The following CACNA1C variants were observed in gnomAD, a reference collection of about 807,000 sequenced individuals.
CACNA1C encodes the protein voltage-dependent L-type calcium channel subunit alpha-1C.
A neutral mutation model predicts 229.0 loss-of-function variants in CACNA1C; 30 were observed. The ratio of observed to expected loss-of-function variants is 0.13; its 90% CI spans 0.10 to 0.18. The LOEUF (loss-of-function observed/expected upper bound fraction) is 0.18. Ranked by LOEUF, CACNA1C falls within the 10% of genes least tolerant of loss-of-function variation. The probability of loss-of-function intolerance (pLI) is 1.00; values close to 1 mark genes in which losing one functional copy is unlikely to be tolerated. For synonymous variants in CACNA1C, 1,114 were observed against 1,132.5 expected, an observed-to-expected ratio of 0.98 and a Z score of 0.33; for missense variants, 1,658 against 2,845.0, an observed-to-expected ratio of 0.58 and a Z score of 9.49.
At chr12:2,464,029 G>A (rs550107869) in intron 5 of CACNA1C, among the ~76,000 whole-genome samples, 15 of 152,230 alleles carry the variant, frequency 9.9e-5, no homozygotes, top group East Asian at 1.9e-4. Flanking sequence ...GCAAGGGGTC[G>A]TTTCCTGCTT....
rs1568789814 is a variant in CACNA1C at position 2,611,898 on chromosome 12, T to C, written c.3718-5T>C. The C allele has an allele frequency of 6.3e-7, 1 of 1,588,038 alleles. No homozygotes were observed. On this transcript the variant is annotated splice_polypyrimidine_tract_variant and splice_region_variant and intron_variant, in intron 28 of 46. Transcript: ENST00000399655. The stretch of plus-strand genomic sequence containing the variant: ...GTTCACAGCTCCTCCCCTCTCCTGA[T>C]GCAGCACTACGGCCAGAGCTGCCTG...
At position 2,460,298 on chromosome 12, in the gene CACNA1C, G is replaced by A. The variant is rs571966511; in HGVS notation, c.757+2592G>A. ...TCCACTGGCCAAAGCGAGTCACATG[G>A]CCACCCTCAAAGATAATGGGGCCAA... On this transcript the variant is annotated intron_variant, in intron 5 of 46. Transcript: ENST00000399655. Among the ~76,000 whole-genome samples the A allele has an allele frequency of 1.9e-4, 29 of 152,346 alleles. No individual in the cohort carries two copies. In the Middle Eastern group the frequency reaches 0.014, roughly 71 times the overall value.
intron 1 of CACNA1C, among the ~76,000 whole-genome samples, chr12:1,983,871 G>A (rs960472407): frequency 6.6e-6 from 1 of 151,140 alleles, no homozygotes; most frequent in African/African-American, 2.4e-5. Flanking sequence ...TTCTCCTTTC[G>A]GTTCTATCAC....
chr12:2,595,931 C>T lies in CACNA1C; in HGVS notation c.2721C>T (p.Leu907=). ...VNDTIFTNLI[L]FFILLSSISL... ...ACACGATCTTCACCAACCTGATCCT[C>T]TTCTTCATTCTGCTCAGCAGCATTT... Residue 907 remains leucine (L), a synonymous_variant, in exon 20 of 47, where the codon CTC becomes CTT. Coordinates refer to ENST00000399655, the MANE Select transcript of CACNA1C (RefSeq NM_000719.7). This position sits in a 1 kb window ranked among gnomAD's most constrained non-coding sequence, Gnocchi z 4.1. The T allele has an allele frequency of 6.2e-7, 1 of 1,613,776 alleles. No homozygotes were observed. Among genetic ancestry groups the T allele is most frequent in the Non-Finnish European group, 8.5e-7 (1 of 1,179,832 alleles).
At chr12:2,437,848 G>GATGATGGTGGTAATGGTGGTGGTA (rs1567676874) in intron 3 of CACNA1C, among the ~76,000 whole-genome samples, 5 of 93,902 alleles carry the variant, frequency 5.3e-5, no homozygotes, top group Non-Finnish European at 1.4e-4. Flanking sequence ...TGATGGTGGT[G>GATGATGGTGGTAATGGTGGTGGTA]ATGATGGTGG....
At chr12:2,425,010 T>C (rs1240142420) in intron 3 of CACNA1C, among the ~76,000 whole-genome samples, 3 of 152,006 alleles carry the variant, frequency 2.0e-5, no homozygotes. Flanking sequence ...GGAAGGAGAG[T>C]CCAGAGGTCT....
rs758199539 is a variant in CACNA1C at position 2,691,185 on chromosome 12, G to A, written c.6403G>A (p.Val2135Ile). The A allele has an allele frequency of 4.5e-6, 7 of 1,572,658 alleles. No homozygotes were observed. The highest frequency in any genetic ancestry group is 6.0e-6 in the Non-Finnish European group (7 of 1,158,646). The change falls in exon 47 of 47, where the codon GTC (valine) becomes ATC (isoleucine). Residue 2135 changes from valine (V) to isoleucine (I), a missense_variant. Val to Ile is a conservative substitution (Grantham distance 29). Coordinates refer to ENST00000399655, the MANE Select transcript of CACNA1C (RefSeq NM_000719.7). ...EEELQDSRVY[V>I]SSL is the part of the protein sequence containing the mutation. Reference sequence around the variant, plus strand: ...GGAGCTCCAGGACAGCAGGGTCTACGTCAGCAGCCTGTAGTGGGCGCTGCC... The same window carrying A: ...GGAGCTCCAGGACAGCAGGGTCTACATCAGCAGCCTGTAGTGGGCGCTGCC...
chr12:2,352,515 C>T (rs1445491744), intron 3 of CACNA1C, among the ~76,000 whole-genome samples: 1 of 152,154 alleles, frequency 6.6e-6, no homozygotes, highest in Admixed American at 6.5e-5. Context: ...CCGCCTTTTC[C>T]AGTAATGGCC....
rs1415754827 is a variant in CACNA1C at position 2,575,742 on chromosome 12, A to G, written c.1896-5848A>G. ...GAATAGGGTGGAACATTTGCAGAGC[A>G]TCCGAAAGTGGTGGGTACTGTTATT... is the stretch of plus-strand genomic sequence containing the variant. On this transcript the variant is annotated intron_variant, in intron 13 of 46. Transcript: ENST00000399655. This position sits in a 1 kb window ranked among gnomAD's most constrained non-coding sequence, Gnocchi z 4.0. Among the ~76,000 whole-genome samples the G allele has an allele frequency of 6.6e-6, 1 of 152,220 alleles. No homozygotes were observed. Among genetic ancestry groups the G allele is most frequent in the Non-Finnish European group, 1.5e-5 (1 of 68,028 alleles).
At chr12:2,268,737 G>A (rs2083453917) in intron 3 of CACNA1C, among the ~76,000 whole-genome samples, 1 of 152,198 alleles carries the variant, frequency 6.6e-6, no homozygotes, top group South Asian at 2.1e-4. Context: ...GCTAGGCGCT[G>A]GGGGAGGTTC....
chr12:2,306,382 G>A (rs776389032), intron 3 of CACNA1C, among the ~76,000 whole-genome samples: 2 of 152,204 alleles, frequency 1.3e-5, no homozygotes, highest in African/African-American at 2.4e-5. Context: ...TGGGTCCTCT[G>A]TCTTCTCCTG....
intron 29 of CACNA1C, among the ~76,000 whole-genome samples, chr12:2,622,630 G>T (rs1232996152): frequency 6.6e-6 from 1 of 152,166 alleles, no homozygotes; most frequent in Non-Finnish European, 1.5e-5. Context: ...CAGACCTTCT[G>T]CACTTCTCTT....
chr12:2,265,321 A>G (rs2081961071), intron 3 of CACNA1C, among the ~76,000 whole-genome samples: 1 of 152,192 alleles, frequency 6.6e-6, no homozygotes, highest in Non-Finnish European at 1.5e-5. Flanking sequence ...ACACGGGAGC[A>G]TTTGTTCCAC....
chr12:2,580,001 A>G (rs2059927284), intron 13 of CACNA1C, among the ~76,000 whole-genome samples: 1 of 152,188 alleles, frequency 6.6e-6, no homozygotes, highest in Admixed American at 6.5e-5. Context: ...TCCTTTAAGC[A>G]GATCACTACA....
At chr12:2,130,203 T>C (rs1328918912) in intron 3 of CACNA1C, among the ~76,000 whole-genome samples, 1 of 151,514 alleles carries the variant, frequency 6.6e-6, no homozygotes, top group Non-Finnish European at 1.5e-5. Context: ...CTTTTTTTTT[T>C]TTTTTTTTTT....
chr12:2,336,377 A>G (rs1246113434), intron 3 of CACNA1C, among the ~76,000 whole-genome samples: 2 of 152,184 alleles, frequency 1.3e-5, no homozygotes, highest in Non-Finnish European at 2.9e-5. Context: ...CACATTGGGC[A>G]GTAGGTTTTT....
Position 2,067,449 on chromosome 12 carries a change from CGTGTGTGT to C in CACNA1C, c.49+13864_49+13871del, listed in dbSNP as rs1555107490. On this transcript the variant is annotated intron_variant, in intron 1 of 46. Coordinates refer to ENST00000399655, the MANE Select transcript of CACNA1C (RefSeq NM_000719.7). This position sits in a 1 kb window ranked among gnomAD's most constrained non-coding sequence, Gnocchi z 5.3. ...GCTTAGGACTGTGGACTAGGATGCA[CGTGTGTGT>C]GTGTGTGTGTGTGTGTGTGTGTGTG... 4.9e-4 allele frequency among the ~76,000 whole-genome samples: 69 copies of C among 141,488 alleles called. No individual in the cohort carries two copies. Among genetic ancestry groups the C allele is most frequent in the Middle Eastern group, 7.4e-3 (2 of 272 alleles). 92.8% of individuals were successfully genotyped at this position (141,488 alleles called of 152,430 possible).
chr12:2,597,592 C>T lies in CACNA1C; in HGVS notation c.2853+303C>T. 1 of 876,886 alleles carries T rather than the reference C, an allele frequency of 1.1e-6. No individual in the cohort carries two copies. The highest frequency in any genetic ancestry group is 1.9e-6 in the Non-Finnish European group (1 of 531,106). The allele number at this position is 876,886 out of a possible 1,614,324, so 54.3% of individuals were successfully genotyped here. Reference sequence around the variant, plus strand: ...TTGTCTTTTCTGTTTCTTTCACTCTCTCTTTTCTTTACTCCCAAGCCTGAA... The same window carrying T: ...TTGTCTTTTCTGTTTCTTTCACTCTTTCTTTTCTTTACTCCCAAGCCTGAA... On this transcript the variant is annotated intron_variant, in intron 21 of 46. Coordinates refer to ENST00000399655, the MANE Select transcript of CACNA1C (RefSeq NM_000719.7). This position sits in a 1 kb window ranked among gnomAD's most constrained non-coding sequence, Gnocchi z 4.3.
intron 24 of CACNA1C, among the ~76,000 whole-genome samples, 174 bp from the exon 25 acceptor site, chr12:2,606,437 G>A (rs139189931): frequency 3.3e-5 from 5 of 152,104 alleles, no homozygotes; most frequent in Non-Finnish European, 5.9e-5. Flanking sequence ...CAGCACTGGC[G>A]TCTGTATTCG....
Sources: allele counts gnomAD v4.1 joint callset (sites outside exome capture counted in the v4.1 genomes callset), GRCh38; gene constraint gnomAD v4.1.1; non-coding constraint Gnocchi (gnomAD v3.1); transcripts MANE v1.5; gene names NCBI Gene and HGNC (gene_info 2026-07-23, HGNC 2026-07-21).